PPP2R2B: variants seen among roughly 807,000 people sequenced by gnomAD.
PPP2R2B encodes protein phosphatase 2 regulatory subunit Bbeta.
Under a neutral mutation model 46.0 loss-of-function variants are expected in PPP2R2B, and 5 were observed. The ratio of observed to expected loss-of-function variants is 0.11; its 90% CI spans 0.06 to 0.23. The LOEUF is 0.23. PPP2R2B is among the 10% of genes least tolerant of loss of function. The pLI is 1.00. For missense variants in PPP2R2B, 367 were observed against 575.0 expected (o/e 0.64, Z 3.70); for synonymous variants, 215 against 206.7 (o/e 1.04, Z -0.34).
intron 2 of PPP2R2B, among the ~76,000 whole-genome samples, chr5:146,736,890 C>T (rs1223237769): frequency 6.6e-6 from 1 of 152,084 alleles, no homozygotes; most frequent in African/African-American, 2.4e-5. Flanking sequence ...CTCTCTAACC[C>T]AGGACTGTTC....
At chr5:146,686,672 C>T (rs1403287435) in intron 5 of PPP2R2B, among the ~76,000 whole-genome samples, 1 of 152,128 alleles carries the variant, frequency 6.6e-6, no homozygotes, top group African/African-American at 2.4e-5. Flanking sequence ...AGCTTGGGAG[C>T]TCATATTTGT....
At chr5:146,873,078 G>A (rs1761704678) in intron 2 of PPP2R2B, among the ~76,000 whole-genome samples, 1 of 152,176 alleles carries the variant, frequency 6.6e-6, no homozygotes, top group African/African-American at 2.4e-5. Flanking sequence ...ATGTCTCACT[G>A]TCTTCTCAAA....
rs530333144 is a variant in PPP2R2B at position 146,847,310 on chromosome 5, C to T, written c.70+30692G>A. 4.0e-4 allele frequency among the ~76,000 whole-genome samples: 61 copies of T among 152,326 alleles called. No individual in the cohort carries two copies. In the South Asian group the frequency reaches 0.011, roughly 27 times the overall value. On this transcript the variant is annotated intron_variant, in intron 2 of 9. Transcript: ENST00000394411. ...AATTCCTGACATAATAGACTTACTT[C>T]CTCCTCTTGCCTACTTCCTCCTCCT... is the stretch of plus-strand genomic sequence containing the variant.
intron 1 of PPP2R2B, among the ~76,000 whole-genome samples, chr5:147,031,109 C>T (rs947223403): frequency 2.6e-5 from 4 of 152,010 alleles, no homozygotes; most frequent in Non-Finnish European, 5.9e-5. Context: ...TGGTGGCGGG[C>T]CCCTGTAGTC....
At chr5:146,740,573 TCACACACACA>T (rs3995489) in intron 2 of PPP2R2B, among the ~76,000 whole-genome samples, 9,617 of 137,946 alleles carry the variant, frequency 0.07, 330 homozygotes, top group African/African-American at 0.093. Flanking sequence ...TAAAATGAGA[TCACACACACA>T]CACACACACA....
At chr5:146,914,828 T>C (rs1763320146) in intron 1 of PPP2R2B, among the ~76,000 whole-genome samples, 1 of 152,204 alleles carries the variant, frequency 6.6e-6, no homozygotes, top group South Asian at 2.1e-4. Flanking sequence ...GGAGTTGGCA[T>C]ATCTTGTGTG....
chr5:146,803,611 C>T (rs561646563), intron 2 of PPP2R2B, among the ~76,000 whole-genome samples: 1 of 152,130 alleles, frequency 6.6e-6, no homozygotes, highest in African/African-American at 2.4e-5. Context: ...ATTAGCAGGC[C>T]TAGCAAGTTA....
chr5:146,823,464 TG>T (rs1335086658), intron 2 of PPP2R2B, among the ~76,000 whole-genome samples: 1 of 152,238 alleles, frequency 6.6e-6, no homozygotes, highest in Admixed American at 6.5e-5. Flanking sequence ...CTCAAATTGC[TG>T]GGATTACAGG....
chr5:146,830,203 T>C (rs958515766), intron 2 of PPP2R2B, among the ~76,000 whole-genome samples: 7 of 152,216 alleles, frequency 4.6e-5, no homozygotes, highest in Admixed American at 4.6e-4. Flanking sequence ...GAAACCATGA[T>C]GAATCTTCTT....
intron 7 of PPP2R2B, among the ~76,000 whole-genome samples, chr5:146,628,038 G>A (rs1289440123): frequency 6.6e-6 from 1 of 151,748 alleles, no homozygotes; most frequent in African/African-American, 2.4e-5. Flanking sequence ...TCCACCTCCT[G>A]GGCTCAAGTG....
In PPP2R2B at chr5:146,961,542, A is replaced by G. The variant is rs371040931; in HGVS notation, c.79+94123T>C. Among the ~76,000 whole-genome samples the G allele has an allele frequency of 5.1e-4, 77 of 152,296 alleles. 1 individual carries two copies. Among genetic ancestry groups the G allele is most frequent in the African/African-American group, 1.8e-3 (73 of 41,568 alleles). ...GTTATTTTAATATTTTGTTCCTTTA[A>G]TTACTAGGAAGCTTGAACACCTTTC... On this transcript the variant is annotated intron_variant, in intron 1 of 8. Transcript: ENST00000336640.
intron 2 of PPP2R2B, among the ~76,000 whole-genome samples, chr5:146,801,600 T>A (rs1034140146): frequency 6.6e-6 from 1 of 152,206 alleles, no homozygotes; most frequent in Non-Finnish European, 1.5e-5. Context: ...AGATACAGGC[T>A]GTGGGGTCAG....
At chr5:146,762,071 G>T (rs543763704) in intron 2 of PPP2R2B, among the ~76,000 whole-genome samples, 1 of 152,246 alleles carries the variant, frequency 6.6e-6, no homozygotes, top group South Asian at 2.1e-4. Flanking sequence ...TTCTTAAACA[G>T]CTCTGACTCC....
At chr5:146,804,776 G>C (rs577599869) in intron 2 of PPP2R2B, among the ~76,000 whole-genome samples, 11 of 152,202 alleles carry the variant, frequency 7.2e-5, no homozygotes, top group African/African-American at 2.6e-4. Flanking sequence ...TGTGCCAATG[G>C]CCTTGAAATC....
intron 2 of PPP2R2B, among the ~76,000 whole-genome samples, chr5:146,748,876 C>T (rs917939814): frequency 6.6e-6 from 1 of 152,130 alleles, no homozygotes; most frequent in Non-Finnish European, 1.5e-5. Context: ...TTTGTGTGCA[C>T]ATACATTTTT....
chr5:146,814,990 A>G (rs762156864), intron 2 of PPP2R2B, among the ~76,000 whole-genome samples: 4 of 152,196 alleles, frequency 2.6e-5, no homozygotes, highest in Non-Finnish European at 5.9e-5. Flanking sequence ...AGACCTGTAC[A>G]GATTTGCCTC....
At chr5:147,055,647 T>C in intron 1 of PPP2R2B, 1 of 1,589,146 alleles carries the variant, frequency 6.3e-7, no homozygotes, top group Non-Finnish European at 8.6e-7. Context: ...CCAGACACTC[T>C]CCCTCTCTGG....
upstream of PPP2R2B, among the ~76,000 whole-genome samples, chr5:147,059,764 A>G (rs888296352): frequency 2.4e-4 from 37 of 152,122 alleles, no homozygotes; most frequent in African/African-American, 7.5e-4. Context: ...AGGCTGCTCT[A>G]AGCTTTTCTT....
intron 2 of PPP2R2B, among the ~76,000 whole-genome samples, chr5:146,742,056 G>A (rs568728715): frequency 2.0e-5 from 3 of 152,252 alleles, no homozygotes; most frequent in African/African-American, 7.2e-5. Flanking sequence ...ATGGGCTCTG[G>A]AGGAATCAAA....
Sources: allele counts gnomAD v4.1 joint callset (sites outside exome capture counted in the v4.1 genomes callset), GRCh38; gene constraint gnomAD v4.1.1; transcripts MANE v1.5; gene names NCBI Gene and HGNC (gene_info 2026-07-23, HGNC 2026-07-21).